The following LIMS1 variants were observed in gnomAD, a reference collection of about 807,000 sequenced individuals.
The protein encoded by LIMS1 is LIM and senescent cell antigen-like-containing domain protein 1.
LIMS1 carries 18 observed loss-of-function variants against 44.1 expected under a neutral mutation model. The observed-to-expected ratio is 0.41, with a 90% CI of 0.28 to 0.61. LIMS1 has a LOEUF of 0.61. LIMS1 is among the 20% of genes least tolerant of loss of function. LIMS1 has a pLI of 0.32. For missense variants in LIMS1, 201 were observed against 422.0 expected (o/e 0.48, Z 4.59); for synonymous variants, 93 against 149.1 (o/e 0.62, Z 2.74).
chr2:108,578,198 C>T (rs1198994111), intron 1 of LIMS1, among the ~76,000 whole-genome samples: 5 of 152,146 alleles, frequency 3.3e-5, no homozygotes, highest in Non-Finnish European at 5.9e-5. Context: ...CATGAGCCAC[C>T]GCGCCCAGCC....
chr2:108,569,720 C>A (rs1685416158), intron 1 of LIMS1, among the ~76,000 whole-genome samples: 1 of 146,556 alleles, frequency 6.8e-6, no homozygotes, highest in Admixed American at 7.0e-5. Context: ...CTTAGCCTGC[C>A]AAGTAGCTAT....
At chr2:108,548,367 T>C (rs1684560515) in intron 1 of LIMS1, among the ~76,000 whole-genome samples, 1 of 152,210 alleles carries the variant, frequency 6.6e-6, no homozygotes, top group African/African-American at 2.4e-5. Flanking sequence ...GCCAGATCTA[T>C]ACAAAGCATG....
chr2:108,563,991 G>C (rs1685208905), intron 1 of LIMS1, among the ~76,000 whole-genome samples: 1 of 149,118 alleles, frequency 6.7e-6, no homozygotes, highest in Non-Finnish European at 1.5e-5. Flanking sequence ...AGGAGTTCAA[G>C]GCTACAGTGA....
At chr2:108,576,402 A>G (rs1685671449) in intron 1 of LIMS1, among the ~76,000 whole-genome samples, 2 of 151,758 alleles carry the variant, frequency 1.3e-5, no homozygotes, top group African/African-American at 4.8e-5. Context: ...ATTGGCTAAC[A>G]AGTTGTTTTT....
intron 1 of LIMS1, among the ~76,000 whole-genome samples, chr2:108,613,023 G>T (rs1345003801): frequency 6.6e-6 from 1 of 151,434 alleles, no homozygotes; most frequent in Admixed American, 6.6e-5. Context: ...AACTTGGGTT[G>T]GATCCACACA....
At chr2:108,591,801 G>GT (rs771392534) in intron 1 of LIMS1, among the ~76,000 whole-genome samples, 97 of 66,074 alleles carry the variant, frequency 1.5e-3, no homozygotes, top group South Asian at 5.2e-3. Context: ...TTTTTTTTTT[G>GT]TTTTTTTTTT....
intron 5 of LIMS1, chr2:108,673,907 ATTTAT>A (rs1307260058): frequency 2.6e-5 from 4 of 152,352 alleles, no homozygotes; most frequent in African/African-American, 2.4e-5. Context: ...ATGTTGTTAC[ATTTAT>A]TTAATTTGGC....
intron 1 of LIMS1, among the ~76,000 whole-genome samples, chr2:108,618,000 C>T (rs576350251): frequency 6.6e-6 from 1 of 152,326 alleles, no homozygotes; most frequent in Non-Finnish European, 1.5e-5. Flanking sequence ...TCAAGAACCA[C>T]TGGGCATGTG....
intron 1 of LIMS1, among the ~76,000 whole-genome samples, chr2:108,586,644 A>G (rs535644813): frequency 1.6e-3 from 239 of 152,328 alleles, no homozygotes; most frequent in Non-Finnish European, 2.6e-3. Context: ...CAACAATGCC[A>G]GTCTGCCCAG....
intron 1 of LIMS1, among the ~76,000 whole-genome samples, chr2:108,630,330 G>C (rs1214399227): frequency 6.6e-6 from 1 of 152,058 alleles, no homozygotes; most frequent in Non-Finnish European, 1.5e-5. Flanking sequence ...CACTGCTATA[G>C]GAAATCAGAG....
At chr2:108,536,371 A>G (rs1331538917) in intron 1 of LIMS1, among the ~76,000 whole-genome samples, 1 of 152,190 alleles carries the variant, frequency 6.6e-6, no homozygotes, top group East Asian at 1.9e-4. Flanking sequence ...ATTTCTGTCT[A>G]TGACTTTGAC....
intron 1 of LIMS1, among the ~76,000 whole-genome samples, chr2:108,542,041 A>G (rs1271632821): frequency 6.6e-6 from 1 of 152,262 alleles, no homozygotes; most frequent in Admixed American, 6.5e-5. Flanking sequence ...AACAAGCTGC[A>G]CAGTAGGCTT....
intron 1 of LIMS1, among the ~76,000 whole-genome samples, chr2:108,638,330 C>T (rs1689418736): frequency 6.6e-6 from 1 of 152,248 alleles, no homozygotes; most frequent in East Asian, 1.9e-4. Context: ...GGTAGGGACG[C>T]AGCTCACCAG....
In LIMS1 at chr2:108,550,591, G is replaced by A. The variant is rs541861480; in HGVS notation, c.32+15997G>A. 3.3e-5 allele frequency among the ~76,000 whole-genome samples: 5 copies of A among 151,754 alleles called. No individual in the cohort carries two copies. In the East Asian group the frequency reaches 5.8e-4, roughly 18 times the overall value. Reference sequence around the variant, plus strand: ...AGCACTTTGGGAGGCTGAGGCAGGCGGATCACAAGGTCAGGAGATCGAGAC... The same window carrying A: ...AGCACTTTGGGAGGCTGAGGCAGGCAGATCACAAGGTCAGGAGATCGAGAC... On this transcript the variant is annotated intron_variant, in intron 1 of 9. Coordinates refer to ENST00000544547, the Ensembl canonical transcript of LIMS1.
At chr2:108,549,261 T>C (rs1002562022) in intron 1 of LIMS1, among the ~76,000 whole-genome samples, 1 of 147,510 alleles carries the variant, frequency 6.8e-6, no homozygotes, top group South Asian at 2.1e-4. Context: ...TCAATAATAA[T>C]GTACAAGTAA....
intron 9 of LIMS1, 136 bp from the exon 10 acceptor site, chr2:108,683,749 T>A: frequency 4.5e-6 from 2 of 441,696 alleles, no homozygotes; most frequent in Non-Finnish European, 8.2e-6. Flanking sequence ...GGATTATGGT[T>A]TTTTTACTAA....
intron 1 of LIMS1, chr2:108,621,233 G>A (rs933031352): frequency 8.1e-6 from 12 of 1,482,006 alleles, no homozygotes; most frequent in African/African-American, 1.4e-5. Context: ...TCTGCCTGGA[G>A]GTTTCTAAGG....
intron 1 of LIMS1, among the ~76,000 whole-genome samples, chr2:108,607,649 C>G (rs540787690): frequency 6.6e-6 from 1 of 152,192 alleles, no homozygotes; most frequent in Non-Finnish European, 1.5e-5. Context: ...GCCTGAAACC[C>G]AGTCTTTCCC....
intron 1 of LIMS1, among the ~76,000 whole-genome samples, chr2:108,556,536 T>A (rs1410666995): frequency 6.6e-6 from 1 of 152,228 alleles, no homozygotes; most frequent in Non-Finnish European, 1.5e-5. Context: ...CCTGTCAAAC[T>A]GTTGAAAAGT....
Sources: allele counts gnomAD v4.1 joint callset (sites outside exome capture counted in the v4.1 genomes callset), GRCh38; gene constraint gnomAD v4.1.1; transcripts MANE v1.5; gene names NCBI Gene and HGNC (gene_info 2026-07-23, HGNC 2026-07-21).